The following PINLYP variants were observed in gnomAD, a reference collection of about 807,000 sequenced individuals.
The protein encoded by PINLYP is phospholipase A2 inhibitor and Ly6/PLAUR domain-containing protein.
PINLYP carries 12 observed loss-of-function variants against 15.8 expected under a neutral mutation model. That is an observed-to-expected ratio of 0.76 (90% confidence interval 0.49 to 1.23). PINLYP has a LOEUF of 1.23. Ranked by LOEUF, PINLYP falls within the 50% of genes most tolerant of loss-of-function variation. The pLI is 0.00. For synonymous variants in PINLYP, 93 were observed against 97.7 expected (o/e 0.95, Z 0.28); for missense variants, 278 against 264.2 (o/e 1.05, Z -0.36).
chr19:43,576,022 C>G (rs962041742), exon 1 of PINLYP: 5 of 152,202 alleles, frequency 3.3e-5, no homozygotes, highest in African/African-American at 1.2e-4. Flanking sequence ...CCACTTCAGC[C>G]TCCTAAGTAG....
At chr19:43,579,720 G>A (rs1366296341) in intron 3 of PINLYP, among the ~76,000 whole-genome samples, 2 of 143,348 alleles carry the variant, frequency 1.4e-5, no homozygotes, top group African/African-American at 2.6e-5. Flanking sequence ...ACAACAAAAA[G>A]AGATCCATCT....
chr19:43,581,337 G>C, exon 4 of PINLYP: 1 of 1,536,818 alleles, frequency 6.5e-7, no homozygotes, highest in Non-Finnish European at 8.7e-7. Flanking sequence ...CTGCCAGAGC[G>C]ACGGCTGCAA....
intron 3 of PINLYP, chr19:43,579,052 G>A (rs1972899680): frequency 6.7e-6 from 2 of 296,734 alleles, no homozygotes; most frequent in South Asian, 6.2e-5. Context: ...TAACTGGCAG[G>A]AGGTGGAAAT....
At chr19:43,580,461 C>A in intron 3 of PINLYP, 1 of 892,304 alleles carries the variant, frequency 1.1e-6, no homozygotes, top group Non-Finnish European at 1.3e-6. Context: ...GAGGAGGATG[C>A]CTGTTGCTGG....
intron 3 of PINLYP, among the ~76,000 whole-genome samples, chr19:43,580,033 A>G (rs1972911060): frequency 6.6e-6 from 1 of 152,152 alleles, no homozygotes; most frequent in African/African-American, 2.4e-5. Flanking sequence ...TACAAAGCTG[A>G]AAGAGACTTT....
intron 3 of PINLYP, chr19:43,580,947 C>CA (rs965733714): frequency 3.1e-5 from 12 of 383,884 alleles, no homozygotes; most frequent in Middle Eastern, 7.6e-4. Flanking sequence ...ATTAAAAATA[C>CA]AAAAAAATAG....
chr19:43,575,540 G>C (rs552495008), upstream of PINLYP: 8 of 1,456,528 alleles, frequency 5.5e-6, no homozygotes, highest in East Asian at 1.2e-4. Flanking sequence ...GAGGGGGCGG[G>C]GTGCGCCCTG....
At chr19:43,579,873 G>C (rs1277734579) in intron 3 of PINLYP, among the ~76,000 whole-genome samples, 1 of 152,020 alleles carries the variant, frequency 6.6e-6, no homozygotes, top group Non-Finnish European at 1.5e-5. Context: ...CTGCACTCCA[G>C]CCTGGGCAAC....
At chr19:43,575,639 G>T, upstream of PINLYP, 1 of 500,720 alleles carries the variant, frequency 2.0e-6, no homozygotes, top group Non-Finnish European at 3.6e-6. Flanking sequence ...AAGCCCAGTC[G>T]CGCCTCTCCA....
chr19:43,575,525 A>G (rs2146077523), upstream of PINLYP: 2 of 1,387,144 alleles, frequency 1.4e-6, no homozygotes. Context: ...GGGCAGGGAG[A>G]GTGGGAGGGG....
At position 43,581,714 on chromosome 19, in the gene PINLYP, C is replaced by T; in HGVS notation, c.481+11C>T. On this transcript the variant is annotated intron_variant, in intron 5 of 5. Transcript: ENST00000599207. ...GACACGTGCAGGCTGGTGAGTGGTG[C>T]CTGAATCTCTGGAAAAGGAAACAGA... is the stretch of plus-strand genomic sequence containing the variant. 1 of 1,535,952 alleles carries T rather than the reference C, an allele frequency of 6.5e-7. No individual in the cohort carries two copies. Among genetic ancestry groups the T allele is most frequent in the Non-Finnish European group, 8.7e-7 (1 of 1,146,796 alleles).
chr19:43,578,499 C>T (rs1972891207), intron 2 of PINLYP, 91 bp from the exon 3 acceptor site: 1 of 873,886 alleles, frequency 1.1e-6, no homozygotes, highest in Non-Finnish European at 1.8e-6. Flanking sequence ...CTGGTCCCTC[C>T]TCTCTCAGGA....
intron 3 of PINLYP, chr19:43,580,762 T>C (rs1343620270): frequency 6.8e-6 from 6 of 888,264 alleles, no homozygotes; most frequent in African/African-American, 1.8e-5. Flanking sequence ...CTCCAGGCCA[T>C]GCACCAGACA....
chr19:43,581,156 G>C, intron 3 of PINLYP, 56 bp from the exon 4 acceptor site: 2 of 1,516,668 alleles, frequency 1.3e-6, no homozygotes, highest in Non-Finnish European at 1.8e-6. Flanking sequence ...TTGAGGCAGG[G>C]GTTGAAGCCA....
chr19:43,578,619 G>A (rs1972893257), exon 3 of PINLYP: 1 of 1,535,868 alleles, frequency 6.5e-7, no homozygotes, highest in African/African-American at 1.4e-5. Flanking sequence ...AATATGTACG[G>A]CGGCGGGGAG....
In PINLYP at chr19:43,581,811, G is replaced by A. The variant is rs1012870017; in HGVS notation, c.482-57G>A. 9 of 1,535,124 alleles carry A rather than the reference G, an allele frequency of 5.9e-6. No individual in the cohort carries two copies. The African/African-American group carries it at 1.1e-4, about 19-fold the overall frequency. On this transcript the variant is annotated intron_variant, in intron 5 of 5. Coordinates refer to ENST00000599207, the Ensembl canonical transcript of PINLYP. Reference sequence around the variant, plus strand: ...AGAAGTGGGTGAGGATGTGTTCTGGGATTATGAGGAAGAAGGGGCTGAGGT... The same window carrying A: ...AGAAGTGGGTGAGGATGTGTTCTGGAATTATGAGGAAGAAGGGGCTGAGGT...
chr19:43,580,003 G>A (rs184239), intron 3 of PINLYP, among the ~76,000 whole-genome samples: 121,804 of 151,994 alleles, frequency 0.8, 48,902 homozygotes, highest in East Asian at 0.88. Flanking sequence ...GAAGAGACCA[G>A]TGGGGGACAG....
Position 43,581,604 on chromosome 19 carries a change from G to A in PINLYP, c.382G>A (p.Ala128Thr), listed in dbSNP as rs761820865. The A allele has an allele frequency of 2.9e-4, 453 of 1,536,576 alleles. No homozygotes were observed. Among genetic ancestry groups the A allele is most frequent in the Admixed American group, 3.5e-4 (18 of 50,982 alleles). Reference sequence around the variant, plus strand: ...TACTGAGAATGGCCTGATGTGCCCCGCCTGCACTGCGAGCTTCAGGGACAA... The same window carrying A: ...TACTGAGAATGGCCTGATGTGCCCCACCTGCACTGCGAGCTTCAGGGACAA... Residue 128 changes from alanine (A) to threonine (T), a missense_variant, in exon 5 of 6, where the codon GCC becomes ACC. Ala to Thr is a moderately conservative substitution (Grantham distance 58). Transcript: ENST00000599207.
chr19:43,579,459 C>T (rs1972904191), intron 3 of PINLYP, among the ~76,000 whole-genome samples: 1 of 151,448 alleles, frequency 6.6e-6, no homozygotes, highest in Non-Finnish European at 1.5e-5. Flanking sequence ...GTTGGCCAGG[C>T]TGGTCTCTAA....
Sources: allele counts gnomAD v4.1 joint callset (sites outside exome capture counted in the v4.1 genomes callset), GRCh38; gene constraint gnomAD v4.1.1; transcripts MANE v1.5; gene names NCBI Gene and HGNC (gene_info 2026-07-23, HGNC 2026-07-21).